CNTN5: variants seen among roughly 807,000 people sequenced by gnomAD.
The protein encoded by CNTN5 is contactin-5.
A neutral mutation model predicts 129.1 loss-of-function variants in CNTN5; 77 were observed. The observed-to-expected ratio is 0.60, with a 90% confidence interval of 0.50 to 0.72. The LOEUF (loss-of-function observed/expected upper bound fraction) is 0.72. Among genes scored for constraint, CNTN5 ranks in the 30% least tolerant of loss-of-function variants. The pLI is 0.00. For missense variants in CNTN5, 1,478 were observed against 1,328.8 expected (o/e 1.11, Z -1.75); for synonymous variants, 509 against 465.6 (o/e 1.09, Z -1.20).
At chr11:99,873,802 T>C (rs899639685) in intron 6 of CNTN5, among the ~76,000 whole-genome samples, 9 of 152,152 alleles carry the variant, frequency 5.9e-5, no homozygotes, top group Non-Finnish European at 1.3e-4. Flanking sequence ...ATCTTGTAGC[T>C]AACCTATATG....
chr11:99,187,404 C>T (rs1181513670), intron 1 of CNTN5, among the ~76,000 whole-genome samples: 2 of 150,342 alleles, frequency 1.3e-5, no homozygotes, highest in Admixed American at 6.7e-5. Flanking sequence ...TTACAATTTA[C>T]AAATTAATAC....
At chr11:99,797,857 T>C (rs1263267526) in intron 3 of CNTN5, among the ~76,000 whole-genome samples, 1 of 152,314 alleles carries the variant, frequency 6.6e-6, no homozygotes, top group Non-Finnish European at 1.5e-5. Context: ...TTATAATTTA[T>C]TATTTTGTCA....
intron 3 of CNTN5, among the ~76,000 whole-genome samples, chr11:99,595,007 G>C (rs1019531734): frequency 6.6e-6 from 1 of 152,134 alleles, no homozygotes; most frequent in Non-Finnish European, 1.5e-5. Flanking sequence ...GAATCAATTA[G>C]TTGATTTCCT....
At chr11:100,150,640 A>C (rs151320322) in intron 13 of CNTN5, among the ~76,000 whole-genome samples, 4 of 151,804 alleles carry the variant, frequency 2.6e-5, no homozygotes, top group Non-Finnish European at 5.9e-5. Flanking sequence ...CCTCATACAC[A>C]TGGAATACTC....
intron 3 of CNTN5, among the ~76,000 whole-genome samples, chr11:99,778,348 C>T (rs1379286916): frequency 1.3e-5 from 2 of 151,596 alleles, no homozygotes; most frequent in Non-Finnish European, 3.0e-5. Flanking sequence ...CATCACCTTA[C>T]TCTAAAACCA....
intron 17 of CNTN5, 72 bp downstream of exon 17, chr11:100,255,990 G>C: frequency 1.5e-6 from 2 of 1,313,342 alleles, no homozygotes; most frequent in South Asian, 2.9e-5. Context: ...TTTGGCTAAG[G>C]TCTTACTATG....
intron 1 of CNTN5, among the ~76,000 whole-genome samples, chr11:99,206,295 G>T (rs10892902): frequency 0.34 from 51,670 of 151,620 alleles, 9,175 homozygotes; most frequent in Middle Eastern, 0.49. Flanking sequence ...TGCTTTAGGA[G>T]GTATAAGAAA....
chr11:99,954,833 T>C (rs1950760912), intron 7 of CNTN5, among the ~76,000 whole-genome samples: 1 of 152,188 alleles, frequency 6.6e-6, no homozygotes, highest in African/African-American at 2.4e-5. Context: ...CTTGGAATTA[T>C]GAAATGCTTC....
chr11:99,193,431 C>A (rs1411746582), intron 1 of CNTN5, among the ~76,000 whole-genome samples: 3 of 152,068 alleles, frequency 2.0e-5, no homozygotes. Context: ...TAATCAAGGA[C>A]CCTGGCCTTA....
chr11:100,308,514 A>G, intron 21 of CNTN5, 46 bp downstream of exon 21: 1 of 1,567,440 alleles, frequency 6.4e-7, no homozygotes, highest in Non-Finnish European at 8.7e-7. Flanking sequence ...TTCTTCTGAC[A>G]TCACATTCTC....
intron 1 of CNTN5, among the ~76,000 whole-genome samples, chr11:99,116,475 T>A (rs1203278740): frequency 6.6e-6 from 1 of 152,230 alleles, no homozygotes; most frequent in Non-Finnish European, 1.5e-5. Context: ...GACATTGTTT[T>A]ATTTTAAGGC....
chr11:100,099,436 C>CCTGCAT (rs1477996005), intron 13 of CNTN5, among the ~76,000 whole-genome samples: 2 of 152,082 alleles, frequency 1.3e-5, no homozygotes, highest in Non-Finnish European at 2.9e-5. Flanking sequence ...TACCCTCATT[C>CCTGCAT]CTGCATCCTC....
intron 21 of CNTN5, among the ~76,000 whole-genome samples, chr11:100,323,407 A>T (rs1951730200): frequency 6.6e-6 from 1 of 152,224 alleles, no homozygotes; most frequent in Non-Finnish European, 1.5e-5. Context: ...AAGAACATTC[A>T]CAAACAAAAT....
intron 13 of CNTN5, among the ~76,000 whole-genome samples, chr11:100,093,009 A>G (rs1462974427): frequency 6.6e-6 from 1 of 152,070 alleles, no homozygotes; most frequent in Non-Finnish European, 1.5e-5. Context: ...GCCTCATTTC[A>G]TGGGTCATTT....
chr11:99,323,721 A>C (rs1321829260), intron 1 of CNTN5, among the ~76,000 whole-genome samples: 1 of 152,168 alleles, frequency 6.6e-6, no homozygotes, highest in African/African-American at 2.4e-5. Context: ...TCCTAAAATG[A>C]AGATGTGCTG....
At chr11:99,225,054 C>G (rs879666001) in intron 1 of CNTN5, among the ~76,000 whole-genome samples, 8 of 151,876 alleles carry the variant, frequency 5.3e-5, no homozygotes, top group Non-Finnish European at 8.8e-5. Flanking sequence ...TAGAGTTGGA[C>G]AATATATATT....
chr11:100,267,637 G>A (rs1950333305), intron 17 of CNTN5, among the ~76,000 whole-genome samples: 1 of 152,138 alleles, frequency 6.6e-6, no homozygotes, highest in Non-Finnish European at 1.5e-5. Flanking sequence ...TGATATGCAA[G>A]AGCATTAGAG....
chr11:100,069,446 C>T (rs1158690323), intron 10 of CNTN5, among the ~76,000 whole-genome samples: 5 of 152,130 alleles, frequency 3.3e-5, no homozygotes, highest in Non-Finnish European at 5.9e-5. Context: ...TGAGCACCGT[C>T]CCAGGTCCAA....
At chr11:99,158,681 T>C (rs902864197) in intron 1 of CNTN5, among the ~76,000 whole-genome samples, 5 of 152,160 alleles carry the variant, frequency 3.3e-5, no homozygotes, top group Non-Finnish European at 5.9e-5. Flanking sequence ...CCTAGGAATA[T>C]GATTTTATAA....
Sources: gnomAD v4.1 joint callset for allele counts (sites outside exome capture counted in the v4.1 genomes callset) on GRCh38, gnomAD v4.1.1 for gene constraint, MANE v1.5 for transcripts, NCBI Gene and HGNC (gene_info 2026-07-23, HGNC 2026-07-21) for gene names.